The following PRDM1 variants were observed in gnomAD, a reference collection of about 807,000 sequenced individuals.
The protein encoded by PRDM1 is PR domain zinc finger protein 1.
A neutral mutation model predicts 62.8 loss-of-function variants in PRDM1; 13 were observed. The observed-to-expected ratio is 0.21, with a 90% confidence interval of 0.13 to 0.33. The LOEUF (loss-of-function observed/expected upper bound fraction) is 0.33. PRDM1 is among the 10% of genes least tolerant of loss of function. The pLI, the probability that PRDM1 is intolerant of heterozygous loss-of-function variation, is 1.00. For missense variants in PRDM1, 895 were observed against 1,058.8 expected (o/e 0.85, Z 2.15); for synonymous variants, 396 against 417.6 (o/e 0.95, Z 0.63).
chr6:106,031,419 G>C (rs531821909), intron 1 of PRDM1, among the ~76,000 whole-genome samples: 1 of 152,264 alleles, frequency 6.6e-6, no homozygotes, highest in African/African-American at 2.4e-5. Flanking sequence ...TCCAGTCCAC[G>C]GCCTCCTTTT....
At chr6:106,008,604 C>G (rs1188634139) in intron 1 of PRDM1, among the ~76,000 whole-genome samples, 1 of 152,142 alleles carries the variant, frequency 6.6e-6, no homozygotes, top group African/African-American at 2.4e-5. Context: ...AAGCGGCTCT[C>G]TAGGATTCTC....
At position 106,104,878 on chromosome 6, in the gene PRDM1, C is replaced by G; in HGVS notation, c.718C>G (p.Pro240Ala). 6.2e-7 allele frequency: 1 copy of G among 1,613,972 alleles called. No individual in the cohort carries two copies. ...GAGCACTGAGAAAAATGAACTCTGC[C>G]CAAAGAATGTCCCAAAGAGAGAGTA... Reference protein sequence around the residue: ...QPSTEKNELCPKNVPKREYSV... With the variant: ...QPSTEKNELCAKNVPKREYSV... Residue 240 changes from proline to alanine, a missense_variant, in exon 5 of 7, where the codon CCA becomes GCA. Physicochemically the swap from Pro to Ala is conservative, Grantham distance 27. Coordinates refer to ENST00000369096, the MANE Select transcript of PRDM1 (RefSeq NM_001198.4).
chr6:105,996,579 A>T (rs1300375436), intron 1 of PRDM1, among the ~76,000 whole-genome samples: 1 of 152,168 alleles, frequency 6.6e-6, no homozygotes, highest in Non-Finnish European at 1.5e-5. Context: ...AAAACATCTT[A>T]TAGTTTGGAC....
chr6:106,011,596 C>G (rs1405342315), intron 1 of PRDM1, among the ~76,000 whole-genome samples: 2 of 152,048 alleles, frequency 1.3e-5, no homozygotes, highest in Admixed American at 1.3e-4. Context: ...GGTGAGAACC[C>G]TTCATTCCCT....
intron 1 of PRDM1, among the ~76,000 whole-genome samples, chr6:106,023,277 G>T (rs143092988): frequency 3.9e-5 from 6 of 151,988 alleles, no homozygotes; most frequent in Non-Finnish European, 8.8e-5. Context: ...TCTACTATGG[G>T]GTATTTTCTT....
chr6:106,069,022 T>G (rs1773474155), intron 1 of PRDM1, among the ~76,000 whole-genome samples: 1 of 152,120 alleles, frequency 6.6e-6, no homozygotes. Context: ...GCACACCAGG[T>G]TGTGGGGATA....
chr6:106,014,058 A>ATTT lies in PRDM1; in HGVS notation c.-67+20440_-67+20442dup, dbSNP rs71006664. Among the ~76,000 whole-genome samples, 1,044 of 104,886 alleles carry ATTT rather than the reference A, an allele frequency of 1.0e-2. 3 individuals are homozygous for ATTT. The highest frequency in any genetic ancestry group is 0.014 in the East Asian group (49 of 3,484). 68.8% of individuals were successfully genotyped at this position (104,886 alleles called of 152,430 possible). ...AATGCTAACTCTATGAGGACAAGGAATTTTTTTTTTTTTTTTTTTTTTTGA... is the reference window on the plus strand; with the variant it reads ...AATGCTAACTCTATGAGGACAAGGAATTTTTTTTTTTTTTTTTTTTTTTTTTGA... On this transcript the variant is annotated intron_variant, in intron 1 of 6. Coordinates refer to the PRDM1 transcript ENST00000652320.
At chr6:106,053,775 T>C (rs1773218362) in intron 1 of PRDM1, among the ~76,000 whole-genome samples, 1 of 152,162 alleles carries the variant, frequency 6.6e-6, no homozygotes, top group African/African-American at 2.4e-5. Flanking sequence ...TCTTGGCTAA[T>C]GTCCTTTTTC....
chr6:106,009,139 C>T (rs1347705028), intron 1 of PRDM1, among the ~76,000 whole-genome samples: 1 of 152,164 alleles, frequency 6.6e-6, no homozygotes, highest in Non-Finnish European at 1.5e-5. Flanking sequence ...GGTTGTCAGG[C>T]TCTTGGTATT....
intron 1 of PRDM1, among the ~76,000 whole-genome samples, chr6:105,997,052 TA>T (rs1257457283): frequency 1.3e-5 from 2 of 152,150 alleles, no homozygotes; most frequent in Non-Finnish European, 2.9e-5. Context: ...TTCTGAGCAG[TA>T]AAAAAATTCT....
intron 1 of PRDM1, among the ~76,000 whole-genome samples, chr6:106,019,780 C>T (rs1327984761): frequency 6.6e-6 from 1 of 151,584 alleles, no homozygotes; most frequent in Non-Finnish European, 1.5e-5. Flanking sequence ...AGCTGGAATA[C>T]AGGCGCCCGC....
rs1222290391 is a variant in PRDM1 at position 106,107,442 on chromosome 6, C to T, written c.2434C>T (p.Pro812Ser). 6.2e-7 allele frequency: 1 copy of T among 1,613,112 alleles called. No individual in the cohort carries two copies. The highest frequency in any genetic ancestry group is 8.5e-7 in the Non-Finnish European group (1 of 1,179,680). ...TCCCAGCAACCCACTACCTCTGGTA[C>T]CTGTAAAGGTCAAACAAGAAACAGT... ...LPPSNPLPLV[P>S]VKVKQETVEP... is the part of the protein sequence containing the mutation. The change falls in exon 7 of 7, where the codon CCT becomes TCT. Residue 812 changes from proline (P) to serine (S), a missense_variant. By Grantham distance (74) the Pro-to-Ser change is moderately conservative (BLOSUM62 -1). Around this residue, in one of 4 missense-constraint regions of PRDM1, gnomAD observed 164 missense variants for 179.9 expected, o/e 0.91. Transcript: ENST00000369096.
chr6:106,030,548 G>A (rs1038462742), intron 1 of PRDM1, among the ~76,000 whole-genome samples: 4 of 151,842 alleles, frequency 2.6e-5, no homozygotes, highest in African/African-American at 4.8e-5. Flanking sequence ...ATTCTTTAAT[G>A]GTTTATGCCT....
chr6:106,105,570 G>T lies in PRDM1; in HGVS notation c.1410G>T (p.Leu470=). ...ACCCCACTTCTCTCCCGAGCTCGCT[G>T]CCCTCAGATGGAGCCCGGAGGTTGC... ...MLNPTSLPSS[L]PSDGARRLLQ... is the part of the protein sequence containing the mutation. The change falls in exon 5 of 7, where the codon CTG becomes CTT. Residue 470 remains leucine (L), a synonymous_variant. Coordinates refer to ENST00000369096, the MANE Select transcript of PRDM1 (RefSeq NM_001198.4). 6.2e-7 allele frequency: 1 copy of T among 1,612,840 alleles called. No individual in the cohort carries two copies. The highest frequency in any genetic ancestry group is 8.5e-7 in the Non-Finnish European group (1 of 1,179,144).
intron 1 of PRDM1, among the ~76,000 whole-genome samples, chr6:106,066,327 T>C (rs960886283): frequency 6.6e-6 from 1 of 152,162 alleles, no homozygotes; most frequent in African/African-American, 2.4e-5. Context: ...CATGTTTAAA[T>C]GGAAGCGGGG....
intron 4 of PRDM1, among the ~76,000 whole-genome samples, chr6:106,103,830 A>G (rs906404035): frequency 1.3e-5 from 2 of 152,200 alleles, no homozygotes; most frequent in African/African-American, 4.8e-5. Flanking sequence ...TGGCTCAGGA[A>G]GTACCTATTG....
chr6:106,030,834 G>T (rs1772831583), intron 1 of PRDM1, among the ~76,000 whole-genome samples: 1 of 152,090 alleles, frequency 6.6e-6, no homozygotes, highest in African/African-American at 2.4e-5. Context: ...AAAATCAGTA[G>T]ATCAAATATG....
In PRDM1 at chr6:105,994,621, C is replaced by G. The variant is rs569129783; in HGVS notation, c.-67+982C>G. On this transcript the variant is annotated intron_variant, in intron 1 of 6. Coordinates refer to the PRDM1 transcript ENST00000652320. This position sits in a 1 kb window ranked among gnomAD's most constrained non-coding sequence, Gnocchi z 4.1. ...CCTAACAGCAGGTCCAGAGGACTCT[C>G]GAGATAGGTTTAGAGCCCGTCCTTT... is the stretch of plus-strand genomic sequence containing the variant. Among the ~76,000 whole-genome samples the G allele has an allele frequency of 1.5e-3, 221 of 152,218 alleles. 2 individuals carry two copies. Among genetic ancestry groups the G allele is most frequent in the African/African-American group, 5.2e-3 (215 of 41,518 alleles).
chr6:106,061,895 C>T (rs1487645938), intron 1 of PRDM1, among the ~76,000 whole-genome samples: 2 of 152,176 alleles, frequency 1.3e-5, no homozygotes, highest in African/African-American at 2.4e-5. Flanking sequence ...AAGTGACAGA[C>T]TTTAAAGCAC....
Sources: gnomAD v4.1 joint callset for allele counts (sites outside exome capture counted in the v4.1 genomes callset) on GRCh38, gnomAD v4.1.1 for gene constraint, gnomAD v4.1.1 regional missense constraint, Gnocchi (gnomAD v3.1) non-coding constraint, MANE v1.5 for transcripts, NCBI Gene and HGNC (gene_info 2026-07-23, HGNC 2026-07-21) for gene names.